ZBTB43: variants seen among roughly 807,000 people sequenced by gnomAD.
The protein encoded by ZBTB43 is zinc finger and BTB domain containing 43, also known as zinc finger and BTB domain-containing protein 43.
In ZBTB43, 6 loss-of-function variants were observed where a neutral mutation model predicts 31.1. The ratio of observed to expected loss-of-function variants is 0.19; its 90% CI spans 0.11 to 0.38. ZBTB43 has a LOEUF of 0.38. Ranked by LOEUF, ZBTB43 falls within the 10% of genes least tolerant of loss-of-function variation. ZBTB43 has a pLI of 1.00. For missense variants in ZBTB43, 379 were observed against 602.1 expected (o/e 0.63, Z 3.88); for synonymous variants, 212 against 221.7 (o/e 0.96, Z 0.39).
Position 126,832,894 on chromosome 9 carries a change from G to T in ZBTB43, c.385G>T (p.Val129Phe), listed in dbSNP as rs1469428870. 6.2e-7 allele frequency: 1 copy of T among 1,614,012 alleles called. No individual in the cohort carries two copies. Among genetic ancestry groups the T allele is most frequent in the Non-Finnish European group, 8.5e-7 (1 of 1,180,036 alleles). Residue 129 changes from valine to phenylalanine, a missense_variant, in exon 3 of 3, where the codon GTC becomes TTC. Transcript: ENST00000373464. The part of the protein sequence containing the change: ...CTEVLEGNPT[V>F]LCQKLNHGSD... ...TGAAGTTTTAGAGGGAAACCCTACA[G>T]TCCTTTGTCAGAAGCTAAATCATGG...
chr9:126,812,549 T>C (rs1289407491), intron 2 of ZBTB43, among the ~76,000 whole-genome samples: 1 of 152,332 alleles, frequency 6.6e-6, no homozygotes, highest in Non-Finnish European at 1.5e-5. Flanking sequence ...ATGGAGGTTA[T>C]AATACCTACA....
Position 126,832,974 on chromosome 9 carries a change from T to C in ZBTB43, c.465T>C (p.Phe155=). ...SSSYNGLVES[F]ELGSGGHTDF... Reference sequence around the variant, plus strand: ...GTTATAATGGCCTGGTAGAGAGCTTTGAGCTGGGCTCTGGGGGTCATACTG... The same window carrying C: ...GTTATAATGGCCTGGTAGAGAGCTTCGAGCTGGGCTCTGGGGGTCATACTG... Residue 155 remains phenylalanine, a synonymous_variant, in exon 3 of 3, where the codon TTT becomes TTC. Transcript: ENST00000373464. The C allele has an allele frequency of 6.2e-7, 1 of 1,613,784 alleles. No individual in the cohort carries two copies. The highest frequency in any genetic ancestry group is 1.1e-5 in the South Asian group (1 of 91,074).
At chr9:126,822,109 G>A (rs1051255969) in intron 2 of ZBTB43, among the ~76,000 whole-genome samples, 1 of 151,854 alleles carries the variant, frequency 6.6e-6, no homozygotes, top group Non-Finnish European at 1.5e-5. Flanking sequence ...GCCCGCCTGG[G>A]CCTCCCAAAA....
At chr9:126,821,596 G>T (rs1306628629) in intron 2 of ZBTB43, among the ~76,000 whole-genome samples, 1 of 152,188 alleles carries the variant, frequency 6.6e-6, no homozygotes, top group Non-Finnish European at 1.5e-5. Flanking sequence ...AATAGAATTA[G>T]AAGTGGAGCC....
At chr9:126,812,423 G>A (rs1420950530) in intron 2 of ZBTB43, among the ~76,000 whole-genome samples, 4 of 152,046 alleles carry the variant, frequency 2.6e-5, no homozygotes, top group Non-Finnish European at 2.9e-5. Flanking sequence ...TTTTTCTTGG[G>A]TATGTACCTA....
intron 2 of ZBTB43, among the ~76,000 whole-genome samples, chr9:126,821,865 A>G (rs1406420924): frequency 6.6e-6 from 1 of 151,644 alleles, no homozygotes; most frequent in Non-Finnish European, 1.5e-5. Flanking sequence ...AAAACATGAG[A>G]TTTTTTTTCT....
chr9:126,828,013 G>A (rs1052130216), intron 2 of ZBTB43, among the ~76,000 whole-genome samples: 19 of 150,094 alleles, frequency 1.3e-4, no homozygotes, highest in African/African-American at 2.7e-4. Context: ...GTGAAACTCC[G>A]TCTCAAAAAA....
intron 2 of ZBTB43, among the ~76,000 whole-genome samples, chr9:126,827,827 G>A (rs1588365378): frequency 6.6e-6 from 1 of 152,086 alleles, no homozygotes; most frequent in Non-Finnish European, 1.5e-5. Context: ...GACCAACATG[G>A]TGAAACCCCA....
upstream of ZBTB43, among the ~76,000 whole-genome samples, chr9:126,804,722 C>T (rs567123594): frequency 3.3e-5 from 5 of 152,338 alleles, no homozygotes; most frequent in East Asian, 9.7e-4. Flanking sequence ...TAGCCTCAAG[C>T]GATCATCCCC....
chr9:126,828,931 C>T (rs1035227911), intron 2 of ZBTB43, among the ~76,000 whole-genome samples: 6 of 151,964 alleles, frequency 3.9e-5, no homozygotes, highest in African/African-American at 1.5e-4. Context: ...CCACAAATGA[C>T]CAGTAAACTA....
rs532973262 is a variant in ZBTB43, at chr9:126,819,195, C to G, written c.-24+10280C>G. On this transcript the variant is annotated intron_variant, in intron 2 of 2. Coordinates refer to ENST00000373464, the MANE Select transcript of ZBTB43 (RefSeq NM_014007.4). ...ACTCGTTTATGGTCTAACACATGAT[C>G]TATCCTGGAGAATGTACTGTGTGCA... Among the ~76,000 whole-genome samples, 32 of 151,304 alleles carry G rather than the reference C, an allele frequency of 2.1e-4. 1 individual carries two copies. The highest frequency in any genetic ancestry group is 1.9e-3 in the Admixed American group (29 of 15,180).
Position 126,809,763 on chromosome 9 carries a change from G to A in ZBTB43, c.-24+848G>A, listed in dbSNP as rs148897925. 3.7e-3 allele frequency among the ~76,000 whole-genome samples: 564 copies of A among 152,128 alleles called. 7 individuals carry two copies. Among genetic ancestry groups the A allele is most frequent in the African/African-American group, 0.013 (522 of 41,490 alleles). ...AAGCATAGTGGAACAGGCTGGCATC[G>A]GTGTGTTTGTTTTAGAACTGTTGCT... On this transcript the variant is annotated intron_variant, in intron 2 of 2. Transcript: ENST00000373464.
At chr9:126,830,556 G>C (rs2032743350) in intron 2 of ZBTB43, among the ~76,000 whole-genome samples, 1 of 152,192 alleles carries the variant, frequency 6.6e-6, no homozygotes, top group Non-Finnish European at 1.5e-5. Context: ...GCTGAGATGG[G>C]AGGATCACCT....
At chr9:126,808,086 C>G (rs2032166821) in intron 1 of ZBTB43, among the ~76,000 whole-genome samples, 1 of 152,136 alleles carries the variant, frequency 6.6e-6, no homozygotes, top group South Asian at 2.1e-4. Flanking sequence ...CTTCTGCTTT[C>G]TTGATTTCAG....
chr9:126,828,522 A>G (rs981745025), intron 2 of ZBTB43, among the ~76,000 whole-genome samples: 5 of 149,602 alleles, frequency 3.3e-5, no homozygotes, highest in African/African-American at 1.2e-4. Context: ...GCCAGGTGCA[A>G]TGGCTTATAC....
intron 2 of ZBTB43, among the ~76,000 whole-genome samples, chr9:126,810,225 G>A (rs142074874): frequency 0.026 from 3,984 of 151,442 alleles, 86 homozygotes; most frequent in Middle Eastern, 0.086. Flanking sequence ...ATGGAGTCTC[G>A]CTCTTGTTGC....
intron 2 of ZBTB43, among the ~76,000 whole-genome samples, chr9:126,829,409 G>A (rs1028022781): frequency 2.0e-5 from 3 of 152,228 alleles, no homozygotes; most frequent in African/African-American, 7.2e-5. Context: ...TCTGTAAGAG[G>A]AGAACTGCTT....
Position 126,826,454 on chromosome 9 carries a change from C to CTTTTTTTTTTTTTTTTTTTT in ZBTB43, c.-23-6025_-23-6006dup, listed in dbSNP as rs35094731. Reference sequence around the variant, plus strand: ...GCGCCACCACTCCTGGCCCCCCCGCCTTTTTTTTTTTTTTTTTTTTTTTTT... The same window carrying CTTTTTTTTTTTTTTTTTTTT: ...GCGCCACCACTCCTGGCCCCCCCGCCTTTTTTTTTTTTTTTTTTTTTTTTTTTTTTTTTTTTTTTTTTTTT... On this transcript the variant is annotated intron_variant, in intron 2 of 2. Coordinates refer to ENST00000373464, the MANE Select transcript of ZBTB43 (RefSeq NM_014007.4). Among the ~76,000 whole-genome samples the CTTTTTTTTTTTTTTTTTTTT allele has an allele frequency of 1.3e-4, 7 of 53,598 alleles. 3 individuals are homozygous for CTTTTTTTTTTTTTTTTTTTT. The East Asian group carries it at 5.0e-3, about 38-fold the overall frequency. 35.2% of individuals were successfully genotyped at this position (53,598 alleles called of 152,430 possible).
chr9:126,814,348 A>ATTTTTACAGATGAAATTTAC (rs2032325487), intron 2 of ZBTB43, among the ~76,000 whole-genome samples: 1 of 73,986 alleles, frequency 1.4e-5, no homozygotes, highest in African/African-American at 5.0e-5. Context: ...CATCTGTAAA[A>ATTTTTACAGATGAAATTTAC]ATTTTACAGA....
Sources: allele counts gnomAD v4.1 joint callset (sites outside exome capture counted in the v4.1 genomes callset), GRCh38; gene constraint gnomAD v4.1.1; transcripts MANE v1.5; gene names NCBI Gene and HGNC (gene_info 2026-07-23, HGNC 2026-07-21).